Variants in MAPK10 observed in about 807,000 individuals in gnomAD.
The protein encoded by MAPK10 is JNK3 alpha protein kinase.
Under a neutral mutation model 59.3 loss-of-function variants are expected in MAPK10, and 25 were observed. The ratio of observed to expected loss-of-function variants is 0.42; its 90% CI spans 0.31 to 0.59. The LOEUF is 0.59. MAPK10 is among the 20% of genes least tolerant of loss of function. The pLI is 0.15. For missense variants in MAPK10, 351 were observed against 568.9 expected, an observed-to-expected ratio of 0.62 and a Z score of 3.90; for synonymous variants, 190 against 200.5, an observed-to-expected ratio of 0.95 and a Z score of 0.44.
intron 2 of MAPK10, among the ~76,000 whole-genome samples, chr4:86,197,771 A>G (rs1418400558): frequency 6.6e-6 from 1 of 152,142 alleles, no homozygotes; most frequent in Non-Finnish European, 1.5e-5. Flanking sequence ...TGAAAGGATA[A>G]GAATATATAA....
chr4:86,461,590 A>T (rs7674832), intron 1 of MAPK10, among the ~76,000 whole-genome samples: 1 of 152,172 alleles, frequency 6.6e-6, no homozygotes, highest in South Asian at 2.1e-4. Context: ...GCTCTGGTTC[A>T]TTCCATCTTG....
At chr4:86,459,116 A>G (rs574942036) in intron 1 of MAPK10, among the ~76,000 whole-genome samples, 15 of 152,380 alleles carry the variant, frequency 9.8e-5, no homozygotes, top group African/African-American at 3.1e-4. Flanking sequence ...TGAATAGACA[A>G]TTCTCAAAAG....
intron 2 of MAPK10, among the ~76,000 whole-genome samples, chr4:86,206,650 A>C (rs1245882815): frequency 6.6e-6 from 1 of 152,234 alleles, no homozygotes. Flanking sequence ...GAACTAGTTT[A>C]CAGTCCCACC....
At chr4:86,285,450 C>T (rs1213538601) in intron 2 of MAPK10, among the ~76,000 whole-genome samples, 1 of 151,946 alleles carries the variant, frequency 6.6e-6, no homozygotes, top group African/African-American at 2.4e-5. Flanking sequence ...CTCTTGACCT[C>T]GTGATCCACC....
At chr4:86,316,512 CT>C (rs2095791462) in intron 2 of MAPK10, among the ~76,000 whole-genome samples, 1 of 152,128 alleles carries the variant, frequency 6.6e-6, no homozygotes, top group Admixed American at 6.6e-5. Flanking sequence ...CTCTGACTCC[CT>C]GTCACATATG....
intron 1 of MAPK10, among the ~76,000 whole-genome samples, chr4:86,428,720 A>G (rs1747640228): frequency 6.6e-6 from 1 of 152,236 alleles, no homozygotes; most frequent in South Asian, 2.1e-4. Flanking sequence ...ATGTAAGGCT[A>G]AGGAATTACA....
At chr4:86,136,054 T>C (rs1157435330) in intron 4 of MAPK10, among the ~76,000 whole-genome samples, 3 of 152,144 alleles carry the variant, frequency 2.0e-5, no homozygotes, top group Non-Finnish European at 4.4e-5. Flanking sequence ...CAAATCTACG[T>C]CTGATTGGTG....
At chr4:86,127,877 T>C (rs2060321475) in intron 4 of MAPK10, among the ~76,000 whole-genome samples, 1 of 152,108 alleles carries the variant, frequency 6.6e-6, no homozygotes, top group African/African-American at 2.4e-5. Flanking sequence ...TTGATCACTA[T>C]CAATGTGAAA....
chr4:86,321,889 A>T (rs1202051748), intron 2 of MAPK10: 2 of 151,244 alleles, frequency 1.3e-5, no homozygotes, highest in Admixed American at 1.3e-4. Context: ...CAGAGACAGG[A>T]TATCAGTATG....
intron 1 of MAPK10, among the ~76,000 whole-genome samples, chr4:86,470,673 A>G (rs182836838): frequency 6.6e-6 from 1 of 150,820 alleles, no homozygotes; most frequent in East Asian, 2.0e-4. Context: ...CTACTTCTTT[A>G]TTCTCCCTTT....
intron 2 of MAPK10, among the ~76,000 whole-genome samples, chr4:86,244,550 T>A (rs116183197): frequency 2.0e-5 from 3 of 152,174 alleles, no homozygotes; most frequent in African/African-American, 7.2e-5. Context: ...CAGTTCTTAA[T>A]AATAGCATCC....
chr4:86,224,020 T>C (rs956732121), intron 2 of MAPK10, among the ~76,000 whole-genome samples: 8 of 152,172 alleles, frequency 5.3e-5, no homozygotes, highest in Non-Finnish European at 1.0e-4. Context: ...GACTTAGACA[T>C]ACCCTAGTTT....
chr4:86,232,656 A>G (rs1199131098), intron 2 of MAPK10, among the ~76,000 whole-genome samples: 1 of 149,286 alleles, frequency 6.7e-6, no homozygotes, highest in Non-Finnish European at 1.5e-5. Context: ...TACAGGCGTG[A>G]GCCACCACGC....
intron 1 of MAPK10, among the ~76,000 whole-genome samples, chr4:86,568,684 T>C (rs1761231654): frequency 1.3e-5 from 2 of 151,938 alleles, no homozygotes; most frequent in African/African-American, 4.8e-5. Flanking sequence ...GACAAAAATA[T>C]ACACTGGGGA....
chr4:86,155,516 A>G (rs182110194), intron 4 of MAPK10, among the ~76,000 whole-genome samples: 36 of 152,104 alleles, frequency 2.4e-4, no homozygotes, highest in African/African-American at 7.7e-4. Flanking sequence ...TGAGGCAGAT[A>G]CATTCCAAGA....
intron 13 of MAPK10, chr4:86,027,822 A>G (rs886686248): frequency 2.0e-5 from 3 of 152,260 alleles, no homozygotes; most frequent in Non-Finnish European, 2.9e-5. Context: ...AATATTTAAC[A>G]TACAGGGACT....
intron 1 of MAPK10, among the ~76,000 whole-genome samples, chr4:86,427,256 CAAAA>C (rs576600795): frequency 8.5e-5 from 8 of 93,762 alleles, no homozygotes; most frequent in Non-Finnish European, 1.3e-4. Context: ...GATTCTGTCT[CAAAA>C]AAAAAAAAAA....
intron 2 of MAPK10, among the ~76,000 whole-genome samples, chr4:86,318,048 T>A (rs940355654): frequency 2.6e-5 from 4 of 152,152 alleles, no homozygotes; most frequent in African/African-American, 9.7e-5. Context: ...GTGTCCACAT[T>A]TCCCTCTTCT....
At chr4:86,145,356 C>G (rs1438484860) in intron 4 of MAPK10, among the ~76,000 whole-genome samples, 2 of 69,784 alleles carry the variant, frequency 2.9e-5, no homozygotes, top group African/African-American at 1.9e-4. Flanking sequence ...AGCGAGACAC[C>G]GTCTCAAAAA....
Sources: gnomAD v4.1 joint callset for allele counts (sites outside exome capture counted in the v4.1 genomes callset) on GRCh38, gnomAD v4.1.1 for gene constraint, MANE v1.5 for transcripts, NCBI Gene and HGNC (gene_info 2026-07-23, HGNC 2026-07-21) for gene names.